Variants in SLIT3 observed in about 807,000 individuals in gnomAD.
SLIT3 encodes slit guidance ligand 3.
SLIT3 carries 68 observed loss-of-function variants against 184.0 expected under a neutral mutation model. The observed-to-expected ratio is 0.37, with a 90% confidence interval of 0.30 to 0.45. The LOEUF is 0.45. Among genes scored for constraint, SLIT3 ranks in the 20% least tolerant of loss-of-function variants. SLIT3 has a pLI of 1.00. For missense variants in SLIT3, 1,707 were observed against 2,026.0 expected (o/e 0.84, Z 3.02); for synonymous variants, 831 against 828.6 (o/e 1.00, Z -0.05).
In SLIT3 at chr5:169,298,962, A is replaced by G. The variant is rs1581152625; in HGVS notation, c.197+1551T>C. On this transcript the variant is annotated intron_variant, in intron 1 of 35. Coordinates refer to ENST00000519560, the MANE Select transcript of SLIT3 (RefSeq NM_003062.4). Reference sequence around the variant, plus strand: ...CTAGCACTGGTGTGACGAGGAGGGGAACTTAGTTTACAAGTTATAGGTATC... The same window carrying G: ...CTAGCACTGGTGTGACGAGGAGGGGGACTTAGTTTACAAGTTATAGGTATC... 2.0e-5 allele frequency among the ~76,000 whole-genome samples: 3 copies of G among 152,282 alleles called. No individual in the cohort carries two copies. In the South Asian group the frequency reaches 6.2e-4, roughly 32 times the overall value.
At chr5:169,067,989 T>C (rs760587828) in intron 4 of SLIT3, among the ~76,000 whole-genome samples, 1 of 152,234 alleles carries the variant, frequency 6.6e-6, no homozygotes, top group Non-Finnish European at 1.5e-5. Context: ...GCAGTACTTA[T>C]GCTTGGGAAA....
intron 4 of SLIT3, among the ~76,000 whole-genome samples, chr5:168,945,647 T>C (rs1026108131): frequency 1.3e-5 from 2 of 152,210 alleles, no homozygotes; most frequent in Non-Finnish European, 2.9e-5. Flanking sequence ...TTTAATATGT[T>C]CTAGGTCTGC....
intron 4 of SLIT3, among the ~76,000 whole-genome samples, chr5:168,985,228 C>T (rs1755083600): frequency 6.6e-6 from 1 of 152,116 alleles, no homozygotes. Flanking sequence ...GAACTTTTTC[C>T]ACAACTAGCC....
chr5:168,896,311 G>A (rs1581188831), intron 4 of SLIT3, among the ~76,000 whole-genome samples: 4 of 152,218 alleles, frequency 2.6e-5, no homozygotes, highest in South Asian at 4.1e-4. Context: ...AAATACCTAC[G>A]TGCGGGAATT....
intron 4 of SLIT3, among the ~76,000 whole-genome samples, chr5:168,956,939 C>T (rs1322975959): frequency 1.6e-5 from 2 of 128,510 alleles, no homozygotes; most frequent in African/African-American, 3.1e-5. Flanking sequence ...TCCACATCCA[C>T]TTTAAAAAAA....
chr5:168,987,420 C>T (rs949640592), intron 4 of SLIT3, among the ~76,000 whole-genome samples: 6 of 152,180 alleles, frequency 3.9e-5, no homozygotes, highest in Non-Finnish European at 7.3e-5. Flanking sequence ...AGCTTTAGGG[C>T]CAGCCAATCC....
chr5:169,104,939 A>G (rs1760149484), intron 4 of SLIT3, among the ~76,000 whole-genome samples: 1 of 152,208 alleles, frequency 6.6e-6, no homozygotes, highest in Non-Finnish European at 1.5e-5. Context: ...TGAAAGAAAC[A>G]TGCGCGCCAT....
intron 29 of SLIT3, 29 bp downstream of exon 29, chr5:168,692,578 T>C: frequency 1.3e-6 from 2 of 1,532,982 alleles, no homozygotes; most frequent in East Asian, 4.5e-5. Flanking sequence ...TCATGGACTC[T>C]GTGCTGGGGG....
chr5:168,947,233 A>T (rs1762508778), intron 4 of SLIT3, among the ~76,000 whole-genome samples: 1 of 152,244 alleles, frequency 6.6e-6, no homozygotes, highest in South Asian at 2.1e-4. Context: ...GCAACGAGAG[A>T]AAAAACAGAT....
rs115805540 is a variant in SLIT3, at chr5:169,260,450, T to C, written c.198-8991A>G. Among the ~76,000 whole-genome samples the C allele has an allele frequency of 1.9e-3, 294 of 152,298 alleles. 2 individuals carry two copies. Among genetic ancestry groups the C allele is most frequent in the African/African-American group, 6.8e-3 (282 of 41,546 alleles). On this transcript the variant is annotated intron_variant, in intron 1 of 35. Transcript: ENST00000519560. ...AAGGATCAGACCGAGGACGGGGTAT[T>C]CGTCCTCCCTGAGAGCTCACCCACG...
At chr5:169,140,028 G>T (rs1761666051) in intron 4 of SLIT3, among the ~76,000 whole-genome samples, 2 of 152,228 alleles carry the variant, frequency 1.3e-5, no homozygotes, top group South Asian at 4.1e-4. Flanking sequence ...CCAGAAATGG[G>T]TCCTTCTTCC....
intron 4 of SLIT3, among the ~76,000 whole-genome samples, chr5:168,884,452 T>C (rs1439578688): frequency 3.3e-5 from 4 of 120,404 alleles, no homozygotes; most frequent in Non-Finnish European, 7.3e-5. Flanking sequence ...CACAGTGCTA[T>C]ACATACACAT....
At chr5:168,830,016 G>A (rs1264170532) in intron 6 of SLIT3, among the ~76,000 whole-genome samples, 1 of 152,156 alleles carries the variant, frequency 6.6e-6, no homozygotes, top group Non-Finnish European at 1.5e-5. Flanking sequence ...CAGTCTTGCT[G>A]GGCAGCTGCT....
intron 6 of SLIT3, among the ~76,000 whole-genome samples, chr5:168,837,068 TAAG>T (rs566499043): frequency 6.6e-6 from 1 of 152,142 alleles, no homozygotes; most frequent in Non-Finnish European, 1.5e-5. Flanking sequence ...TCTGGATGAC[TAAG>T]AAGGAGGTGT....
chr5:169,018,970 A>G (rs1443501928), intron 4 of SLIT3, among the ~76,000 whole-genome samples: 1 of 151,976 alleles, frequency 6.6e-6, no homozygotes, highest in Admixed American at 6.6e-5. Context: ...GCCCATTAGC[A>G]CCCTGCATTG....
At chr5:168,986,327 C>A (rs1755127770) in intron 4 of SLIT3, among the ~76,000 whole-genome samples, 1 of 152,062 alleles carries the variant, frequency 6.6e-6, no homozygotes, top group African/African-American at 2.4e-5. Flanking sequence ...TGTGAAGGAG[C>A]CATGCACCGC....
At chr5:169,178,599 C>A (rs1376258298) in intron 4 of SLIT3, among the ~76,000 whole-genome samples, 1 of 152,114 alleles carries the variant, frequency 6.6e-6, no homozygotes, top group African/African-American at 2.4e-5. Context: ...ACACACGATT[C>A]TTATTTTCTT....
chr5:168,830,781 C>G (rs944814771), intron 6 of SLIT3, among the ~76,000 whole-genome samples: 1 of 152,196 alleles, frequency 6.6e-6, no homozygotes, highest in Non-Finnish European at 1.5e-5. Flanking sequence ...AGGTGTGACA[C>G]CAGGACCTAT....
intron 3 of SLIT3, 52 bp downstream of exon 3, chr5:169,244,653 A>G (rs1765523597): frequency 6.5e-7 from 1 of 1,531,074 alleles, no homozygotes; most frequent in Non-Finnish European, 9.0e-7. Flanking sequence ...ACAAAACAAA[A>G]AACACTAAAT....
Sources: gnomAD v4.1 joint callset for allele counts (sites outside exome capture counted in the v4.1 genomes callset) on GRCh38, gnomAD v4.1.1 for gene constraint, MANE v1.5 for transcripts, NCBI Gene and HGNC (gene_info 2026-07-23, HGNC 2026-07-21) for gene names.